The following UNC5D variants were observed in gnomAD, a reference collection of about 807,000 sequenced individuals.
UNC5D encodes unc-5 netrin receptor D.
UNC5D carries 39 observed loss-of-function variants against 105.4 expected under a neutral mutation model. The observed-to-expected ratio is 0.37, with a 90% CI of 0.29 to 0.48. UNC5D has a LOEUF of 0.48. UNC5D is among the 20% of genes least tolerant of loss of function. UNC5D has a pLI of 0.98. For synonymous variants in UNC5D, 452 were observed against 450.4 expected, an observed-to-expected ratio of 1.00 and a Z score of -0.04; for missense variants, 991 against 1,202.4, an observed-to-expected ratio of 0.82 and a Z score of 2.60.
chr8:35,305,577 T>C (rs3108617), intron 1 of UNC5D, among the ~76,000 whole-genome samples: 1,715 of 53,884 alleles, frequency 0.032, 35 homozygotes, highest in African/African-American at 0.06. Flanking sequence ...CTTTCTTTCT[T>C]TTTCTTTCTT....
intron 4 of UNC5D, among the ~76,000 whole-genome samples, chr8:35,626,793 T>C (rs1429072858): frequency 1.3e-5 from 2 of 152,222 alleles, no homozygotes; most frequent in Non-Finnish European, 2.9e-5. Flanking sequence ...AACATACATA[T>C]ACATGTAGGG....
intron 1 of UNC5D, chr8:35,525,441 C>G (rs11543121): frequency 1.9e-6 from 3 of 1,612,072 alleles, no homozygotes; most frequent in African/African-American, 2.7e-5. Context: ...TAGAGAGACA[C>G]CAGCACTGAT....
intron 11 of UNC5D, among the ~76,000 whole-genome samples, chr8:35,734,782 A>AT (rs1171276656): frequency 0.1 from 13,169 of 126,658 alleles, 1,711 homozygotes; most frequent in African/African-American, 0.27. Context: ...CACACTTTAA[A>AT]TTTTTTTTTT....
intron 4 of UNC5D, among the ~76,000 whole-genome samples, chr8:35,630,454 C>T (rs528360953): frequency 2.0e-5 from 3 of 152,168 alleles, no homozygotes; most frequent in Non-Finnish European, 4.4e-5. Flanking sequence ...CTATACCTGA[C>T]GTAGAGGAAA....
intron 8 of UNC5D, among the ~76,000 whole-genome samples, chr8:35,712,607 AC>A (rs1310516911): frequency 1.3e-5 from 2 of 152,170 alleles, no homozygotes; most frequent in Non-Finnish European, 2.9e-5. Context: ...TCCATTCTGC[AC>A]CTTTCCCCAA....
chr8:35,738,850 T>G (rs1829605941), intron 11 of UNC5D, among the ~76,000 whole-genome samples: 1 of 152,232 alleles, frequency 6.6e-6, no homozygotes, highest in Admixed American at 6.5e-5. Context: ...GCGTGAATCG[T>G]CCATGTCATC....
intron 4 of UNC5D, among the ~76,000 whole-genome samples, chr8:35,640,408 T>C (rs529735855): frequency 6.6e-6 from 1 of 152,304 alleles, no homozygotes; most frequent in South Asian, 2.1e-4. Flanking sequence ...CTCAGAATAA[T>C]GTAACCCAAA....
At chr8:35,457,623 G>C (rs1177984248) in intron 1 of UNC5D, among the ~76,000 whole-genome samples, 1 of 152,136 alleles carries the variant, frequency 6.6e-6, no homozygotes, top group African/African-American at 2.4e-5. Context: ...TATGGAGAAT[G>C]GTTCTAATTG....
At position 35,649,347 on chromosome 8, in the gene UNC5D, C is replaced by A. The variant is rs574403075; in HGVS notation, c.571-34200C>A. 2.4e-4 allele frequency among the ~76,000 whole-genome samples: 37 copies of A among 152,234 alleles called. 1 individual carries two copies. Among genetic ancestry groups the A allele is most frequent in the Admixed American group, 2.0e-3 (30 of 15,284 alleles). On this transcript the variant is annotated intron_variant, in intron 4 of 16. Coordinates refer to ENST00000404895, the MANE Select transcript of UNC5D (RefSeq NM_080872.4). ...GTTGCCCTGTCCTGATGGGCTTGAT[C>A]CTGAGCCCTGATAAAAGCTTGGACT...
At chr8:35,587,510 G>C (rs1056055014) in intron 3 of UNC5D, among the ~76,000 whole-genome samples, 4 of 152,124 alleles carry the variant, frequency 2.6e-5, no homozygotes, top group Non-Finnish European at 4.4e-5. Context: ...TATGTATTAA[G>C]TCACTATCTT....
intron 1 of UNC5D, among the ~76,000 whole-genome samples, chr8:35,307,943 C>T (rs546403563): frequency 2.6e-5 from 4 of 152,092 alleles, no homozygotes; most frequent in Admixed American, 1.3e-4. Context: ...GCATATGTGG[C>T]GATATTGAGG....
At chr8:35,490,682 A>C (rs1337210334) in intron 1 of UNC5D, among the ~76,000 whole-genome samples, 1 of 152,180 alleles carries the variant, frequency 6.6e-6, no homozygotes, top group Non-Finnish European at 1.5e-5. Flanking sequence ...TGTCAGGTAC[A>C]GTAGACATGG....
chr8:35,483,177 A>G (rs2130002116), intron 1 of UNC5D, among the ~76,000 whole-genome samples: 1 of 151,976 alleles, frequency 6.6e-6, no homozygotes, highest in Non-Finnish European at 1.5e-5. Context: ...GGAGTTTTGA[A>G]TCTTGGTGGA....
intron 4 of UNC5D, among the ~76,000 whole-genome samples, chr8:35,596,349 A>G (rs972957568): frequency 3.3e-5 from 5 of 152,168 alleles, no homozygotes. Context: ...TTTTATTCAC[A>G]ATGAAAAGAT....
chr8:35,254,465 G>C (rs141103215), intron 1 of UNC5D: 1 of 152,114 alleles, frequency 6.6e-6, no homozygotes, highest in East Asian at 1.9e-4. Flanking sequence ...GTCCAGAAGT[G>C]TAAAGCAATA....
intron 1 of UNC5D, among the ~76,000 whole-genome samples, chr8:35,410,026 T>C (rs944283292): frequency 3.7e-5 from 5 of 135,000 alleles, no homozygotes; most frequent in South Asian, 2.4e-4. Context: ...CTCCTCAAAA[T>C]TGGGGAGAAT....
In UNC5D at chr8:35,663,305, C is replaced by T. The variant is rs138472269; in HGVS notation, c.571-20242C>T. 9.4e-3 allele frequency among the ~76,000 whole-genome samples: 1,434 copies of T among 152,054 alleles called. 8 individuals are homozygous for T. Among genetic ancestry groups the T allele is most frequent in the Non-Finnish European group, 0.013 (877 of 68,020 alleles). ...AAATGATTAGCTGATCTTTTTAGTC[C>T]TTCTTGGCTAGGTATCCCTTCTGTC... On this transcript the variant is annotated intron_variant, in intron 4 of 16. Coordinates refer to ENST00000404895, the MANE Select transcript of UNC5D (RefSeq NM_080872.4).
At chr8:35,461,917 C>T (rs1014227714) in intron 1 of UNC5D, among the ~76,000 whole-genome samples, 2 of 152,176 alleles carry the variant, frequency 1.3e-5, no homozygotes, top group African/African-American at 4.8e-5. Context: ...AGTTCAGGCA[C>T]AACCTTCAGA....
chr8:35,624,059 G>T (rs576394008), intron 4 of UNC5D, among the ~76,000 whole-genome samples: 2 of 152,088 alleles, frequency 1.3e-5, no homozygotes, highest in Non-Finnish European at 1.5e-5. Context: ...CAGCCTGGGC[G>T]ACACAGCGAG....
Sources: allele counts gnomAD v4.1 joint callset (sites outside exome capture counted in the v4.1 genomes callset), GRCh38; gene constraint gnomAD v4.1.1; transcripts MANE v1.5; gene names NCBI Gene and HGNC (gene_info 2026-07-23, HGNC 2026-07-21).